ZNF185: variants seen among roughly 807,000 people sequenced by gnomAD.
ZNF185 encodes the protein zinc finger protein 185.
A neutral mutation model predicts 58.6 loss-of-function variants in ZNF185; 56 were observed. That is an observed-to-expected ratio of 0.95 (90% CI 0.77 to 1.19). The LOEUF (loss-of-function observed/expected upper bound fraction) is 1.19, where lower values mean the gene tolerates loss of function less well. ZNF185 is among the 50% of genes most tolerant of loss of function. ZNF185 has a pLI of 0.00. For synonymous variants in ZNF185, 230 were observed against 215.9 expected, an observed-to-expected ratio of 1.07 and a Z score of -0.57; for missense variants, 627 against 573.5, an observed-to-expected ratio of 1.09 and a Z score of -0.95.
At chrX:152,918,222 C>A in intron 6 of ZNF185, 68 bp downstream of exon 7, 1 of 1,105,655 alleles carries the variant, frequency 9.0e-7, no homozygotes, top group Non-Finnish European at 1.2e-6. Context: ...TCTGGGTCCA[C>A]TGAAGGCAGC....
chrX:152,922,040 G>C, intron 9 of ZNF185, 133 bp from the exon 11 acceptor site: 3 of 618,093 alleles, frequency 4.9e-6, no homozygotes, highest in Non-Finnish European at 7.6e-6. Flanking sequence ...TGAACCCCCA[G>C]CCTGGGCCAC....
the ZNF185 span, among the ~76,000 whole-genome samples, chrX:152,899,304 C>G: frequency 7.1e-5 from 8 of 112,672 alleles, no homozygotes; most frequent in African/African-American, 2.6e-4. Context: ...TAGGCCTGAA[C>G]AGAGCTGCAG....
intron 19 of ZNF185, 36 bp downstream of exon 21, chrX:152,965,563 T>C (rs782295009): frequency 5.5e-6 from 6 of 1,092,711 alleles, no homozygotes; most frequent in Middle Eastern, 2.5e-4. Context: ...ATGTCGGCCT[T>C]CTCCTGCCGG....
In ZNF185 at chrX:152,966,619, GT is replaced by G. The variant is rs782434430; in HGVS notation, c.1800-543del. Among the ~76,000 whole-genome samples, 9 of 111,519 alleles carry G rather than the reference GT, an allele frequency of 8.1e-5. No homozygotes were observed. The East Asian group carries it at 2.6e-3, about 32-fold the overall frequency. ...TTCACATCTGTAGGCCCTTAGGGTGGTTTTTCTCAACAGCTTATTGAGTTAT... is the reference window on the plus strand; with the variant it reads ...TTCACATCTGTAGGCCCTTAGGGTGGTTTTCTCAACAGCTTATTGAGTTAT... On this transcript the variant is annotated intron_variant, in intron 19 of 22. Transcript: ENST00000449285.
intron 16 of ZNF185, 66 bp from the exon 19 acceptor site, chrX:152,959,633 C>T (rs782079833): frequency 9.1e-7 from 1 of 1,097,298 alleles, no homozygotes; most frequent in South Asian, 2.2e-5. Flanking sequence ...AGCCAGCCTA[C>T]CTGCCATGGG....
At chrX:152,898,105 T>G in the ZNF185 span, among the ~76,000 whole-genome samples, 10 of 36,875 alleles carry the variant, frequency 2.7e-4, no homozygotes, top group Non-Finnish European at 6.3e-4. Flanking sequence ...CTCCCCGCTG[T>G]GCACCGCGCC....
intron 11 of ZNF185, 139 bp from the exon 13 acceptor site, chrX:152,928,436 A>G: frequency 1.6e-6 from 1 of 609,739 alleles, no homozygotes; most frequent in East Asian, 3.6e-5. Context: ...TGCAGCACCA[A>G]CAAGGCTCAA....
intron 20 of ZNF185, 86 bp from the exon 23 acceptor site, chrX:152,969,296 C>A: frequency 1.2e-6 from 1 of 810,013 alleles, no homozygotes; most frequent in Non-Finnish European, 1.8e-6. Flanking sequence ...CTGGGCCTGG[C>A]TGCACCAAAT....
chrX:152,914,485 T>C, exon 1 of ZNF185: 1 of 1,183,552 alleles, frequency 8.4e-7, no homozygotes, highest in Non-Finnish European at 1.1e-6. Flanking sequence ...TGCGGAGCAA[T>C]CACCATGAGT....
the ZNF185 span, among the ~76,000 whole-genome samples, chrX:152,908,870 C>A: frequency 1.8e-5 from 2 of 113,535 alleles, no homozygotes; most frequent in East Asian, 5.6e-4. Context: ...GGGCTGCACA[C>A]GGTACTGCTG....
At chrX:152,970,467 G>A (rs1393105506) in exon 22 of ZNF185, 3 of 1,207,281 alleles carry the variant, frequency 2.5e-6, no homozygotes, top group Non-Finnish European at 3.4e-6. Context: ...TAAACCGATG[G>A]GCGATCTCCT....
chrX:152,929,542 G>A (rs1941559031), intron 12 of ZNF185, among the ~76,000 whole-genome samples: 1 of 111,382 alleles, frequency 9.0e-6, no homozygotes, highest in African/African-American at 3.3e-5. Context: ...AGTCCTGAGC[G>A]ATCTCTAGGT....
chrX:152,938,908 A>G (rs1377462873), intron 15 of ZNF185, among the ~76,000 whole-genome samples: 1 of 83,246 alleles, frequency 1.2e-5, no homozygotes, highest in Non-Finnish European at 2.3e-5. Context: ...ATCTCCTCTA[A>G]AGAGGAGAAG....
At chrX:152,917,834 A>G in intron 5 of ZNF185, 2 of 1,068,774 alleles carry the variant, frequency 1.9e-6, no homozygotes, top group Non-Finnish European at 2.4e-6. Flanking sequence ...GGAAACAGGA[A>G]GCAAAGACAC....
rs1556877640 is a variant in ZNF185 at position 152,931,781 on chromosome X, C to T, written c.1022+5C>T. 1 of 1,196,617 alleles carries T rather than the reference C, an allele frequency of 8.4e-7. No homozygotes were observed. Among genetic ancestry groups the T allele is most frequent in the East Asian group, 3.0e-5 (1 of 33,546 alleles). On this transcript the variant is annotated splice_donor_5th_base_variant and intron_variant, in intron 13 of 22. Coordinates refer to ENST00000449285, the Ensembl canonical transcript of ZNF185. The stretch of plus-strand genomic sequence containing the variant: ...CCCCAACACAGATGCTGCAAGGTAA[C>T]TCAGTGCAGGAAGCAGACACTTCAT...
At chrX:152,906,810 G>A in the ZNF185 span, among the ~76,000 whole-genome samples, 236 of 110,526 alleles carry the variant, frequency 2.1e-3, no homozygotes, top group African/African-American at 6.6e-3. Flanking sequence ...TCCTGCTTGT[G>A]CATGGCGCCC....
intron 14 of ZNF185, among the ~76,000 whole-genome samples, chrX:152,934,406 C>G (rs1328868162): frequency 8.9e-6 from 1 of 112,439 alleles, no homozygotes; most frequent in Non-Finnish European, 1.9e-5. Context: ...CCTGTGCTGT[C>G]CACTGTTTCC....
At chrX:152,907,960 T>G in the ZNF185 span, among the ~76,000 whole-genome samples, 1 of 112,155 alleles carries the variant, frequency 8.9e-6, no homozygotes, top group Non-Finnish European at 1.9e-5. Context: ...TGACCAGAAA[T>G]GTGCCCACAC....
intron 16 of ZNF185, among the ~76,000 whole-genome samples, chrX:152,954,145 A>C (rs902698592): frequency 9.0e-6 from 1 of 111,314 alleles, no homozygotes; most frequent in African/African-American, 3.3e-5. Context: ...AATAAAAAAA[A>C]AAAAGCCTTT....
Sources: allele counts gnomAD v4.1 joint callset (sites outside exome capture counted in the v4.1 genomes callset), GRCh38; gene constraint gnomAD v4.1.1; transcripts MANE v1.5; gene names NCBI Gene and HGNC (gene_info 2026-07-23, HGNC 2026-07-21).